The following CCDC171 variants were observed in gnomAD, a reference collection of about 807,000 sequenced individuals.
CCDC171 encodes coiled-coil domain-containing protein 171.
A neutral mutation model predicts 168.2 loss-of-function variants in CCDC171; 177 were observed. The observed-to-expected ratio is 1.05, with a 90% CI of 0.93 to 1.19. CCDC171 has a LOEUF of 1.19. Ranked by LOEUF, CCDC171 falls within the 50% of genes most tolerant of loss-of-function variation. CCDC171 has a pLI of 0.00. For synonymous variants in CCDC171, 687 were observed against 540.8 expected (o/e 1.27, Z -3.75); for missense variants, 1,991 against 1,539.0 (o/e 1.29, Z -4.91).
At chr9:15,792,063 T>C (rs2058296968) in intron 21 of CCDC171, among the ~76,000 whole-genome samples, 1 of 152,112 alleles carries the variant, frequency 6.6e-6, no homozygotes, top group African/African-American at 2.4e-5. Flanking sequence ...GCAAAGAAGC[T>C]AAAAACCTTG....
intron 4 of CCDC171, among the ~76,000 whole-genome samples, chr9:15,582,085 G>GA (rs1031878415): frequency 2.6e-5 from 4 of 152,104 alleles, no homozygotes; most frequent in African/African-American, 7.2e-5. Flanking sequence ...AAATTTACAA[G>GA]AAAAAAACAA....
intron 22 of CCDC171, among the ~76,000 whole-genome samples, chr9:15,848,606 T>G (rs2060999427): frequency 6.6e-6 from 1 of 151,824 alleles, no homozygotes; most frequent in African/African-American, 2.4e-5. Flanking sequence ...GTTTTTCACT[T>G]TTTTACCTTT....
chr9:15,842,727 A>T (rs2060732906), intron 21 of CCDC171, among the ~76,000 whole-genome samples: 2 of 151,956 alleles, frequency 1.3e-5, no homozygotes, highest in Admixed American at 1.3e-4. Context: ...TTATTTAAAA[A>T]AATTTTCATT....
chr9:15,826,444 T>G (rs2060014796), intron 21 of CCDC171, among the ~76,000 whole-genome samples: 1 of 152,198 alleles, frequency 6.6e-6, no homozygotes, highest in Admixed American at 6.5e-5. Flanking sequence ...ATGTGGAGTC[T>G]ATTTCCCTCT....
chr9:15,671,825 G>A (rs1186220289), intron 9 of CCDC171, among the ~76,000 whole-genome samples: 1 of 152,172 alleles, frequency 6.6e-6, no homozygotes, highest in Admixed American at 6.5e-5. Flanking sequence ...ATGTGCATGT[G>A]TCTTTATAGC....
chr9:15,745,643 T>A lies in CCDC171; in HGVS notation c.2671+12T>A. ...CATTGGTAAAGCAGGTATGGTTCCT[T>A]CTTTTATGTCCTTGCAAAATACATT... On this transcript the variant is annotated intron_variant, in intron 18 of 25. Transcript: ENST00000380701. 6.8e-7 allele frequency: 1 copy of A among 1,463,744 alleles called. No individual in the cohort carries two copies. The highest frequency in any genetic ancestry group is 9.3e-7 in the Non-Finnish European group (1 of 1,081,004). 90.7% of individuals were successfully genotyped at this position (1,463,744 alleles called of 1,614,324 possible).
At chr9:15,570,935 G>A (rs2040175906) in intron 2 of CCDC171, among the ~76,000 whole-genome samples, 1 of 152,190 alleles carries the variant, frequency 6.6e-6, no homozygotes, top group African/African-American at 2.4e-5. Flanking sequence ...GAAAGAGATA[G>A]GTACCCAGTT....
intron 11 of CCDC171, among the ~76,000 whole-genome samples, chr9:15,721,388 A>C (rs1319935360): frequency 1.3e-5 from 2 of 151,890 alleles, no homozygotes; most frequent in Non-Finnish European, 2.9e-5. Context: ...TGTATACTTC[A>C]TTTAGTTGTT....
At chr9:16,101,698 G>A in the CCDC171 span, among the ~76,000 whole-genome samples, 1 of 152,240 alleles carries the variant, frequency 6.6e-6, no homozygotes, top group Non-Finnish European at 1.5e-5. Flanking sequence ...CCTTGAAGGA[G>A]CAAACTGCTG....
intron 25 of CCDC171, among the ~76,000 whole-genome samples, chr9:15,956,348 G>C (rs1290041018): frequency 2.0e-5 from 3 of 152,082 alleles, no homozygotes; most frequent in Admixed American, 1.3e-4. Flanking sequence ...TTTCAGCTTT[G>C]ATTACTGATA....
At chr9:15,841,347 C>G (rs2060672602) in intron 21 of CCDC171, among the ~76,000 whole-genome samples, 1 of 152,034 alleles carries the variant, frequency 6.6e-6, no homozygotes, top group South Asian at 2.1e-4. Flanking sequence ...AAAGAACAGT[C>G]TGTAATGACG....
At chr9:16,042,389 G>A (rs1833587218), upstream of CCDC171, among the ~76,000 whole-genome samples, 1 of 152,190 alleles carries the variant, frequency 6.6e-6, no homozygotes, top group South Asian at 2.1e-4. Flanking sequence ...GCAGCCTCTT[G>A]AGGCCAGGTG....
intron 20 of CCDC171, among the ~76,000 whole-genome samples, chr9:15,780,406 G>A (rs949157767): frequency 6.8e-6 from 1 of 146,836 alleles, no homozygotes; most frequent in East Asian, 1.9e-4. Flanking sequence ...GTTTAGACTG[G>A]GTATGGTGGC....
chr9:16,039,805 G>C (rs1308765676), upstream of CCDC171, among the ~76,000 whole-genome samples: 1 of 152,118 alleles, frequency 6.6e-6, no homozygotes, highest in Non-Finnish European at 1.5e-5. Context: ...GTGGGTGTCT[G>C]GGAAATACCA....
chr9:15,627,004 G>T lies in CCDC171; in HGVS notation c.822+3591G>T, dbSNP rs1219420045. 2.0e-5 allele frequency among the ~76,000 whole-genome samples: 3 copies of T among 152,124 alleles called. No homozygotes were observed. The South Asian group carries it at 6.2e-4, about 32-fold the overall frequency. On this transcript the variant is annotated intron_variant, in intron 7 of 25. Transcript: ENST00000380701. ...TGCCTCAATTTCAGAGCCTGTTATT[G>T]GTCTATTTTGGGATTCAACTTCTTC...
At chr9:15,725,532 C>G (rs1429286163) in intron 14 of CCDC171, among the ~76,000 whole-genome samples, 1 of 152,090 alleles carries the variant, frequency 6.6e-6, no homozygotes, top group African/African-American at 2.4e-5. Flanking sequence ...TCATTGCAAC[C>G]TCCACCTCCC....
At chr9:15,554,968 A>G (rs1381931603) in intron 1 of CCDC171, among the ~76,000 whole-genome samples, 3 of 152,120 alleles carry the variant, frequency 2.0e-5, no homozygotes, top group South Asian at 2.1e-4. Flanking sequence ...CTATTTTTTC[A>G]TCCACCCATC....
intron 24 of CCDC171, among the ~76,000 whole-genome samples, chr9:15,884,794 TG>T (rs1219536530): frequency 6.6e-6 from 1 of 152,142 alleles, no homozygotes; most frequent in Non-Finnish European, 1.5e-5. Flanking sequence ...CATGTGAAGG[TG>T]ATTTTCACAT....
chr9:15,918,828 A>G (rs1824917710), intron 24 of CCDC171, among the ~76,000 whole-genome samples: 1 of 151,596 alleles, frequency 6.6e-6, no homozygotes. Flanking sequence ...TACTTTCCCA[A>G]ACATCATCAC....
Sources: gnomAD v4.1 joint callset for allele counts (sites outside exome capture counted in the v4.1 genomes callset) on GRCh38, gnomAD v4.1.1 for gene constraint, MANE v1.5 for transcripts, NCBI Gene and HGNC (gene_info 2026-07-23, HGNC 2026-07-21) for gene names.